The following MMP26 variants were observed in gnomAD, a reference collection of about 807,000 sequenced individuals.
MMP26 encodes matrix metallopeptidase 26.
Under a neutral mutation model 31.0 loss-of-function variants are expected in MMP26, and 33 were observed. The ratio of observed to expected loss-of-function variants is 1.06; its 90% CI spans 0.81 to 1.42. MMP26 has a LOEUF of 1.42. Among genes scored for constraint, MMP26 ranks in the 40% most tolerant of loss-of-function variants. MMP26 has a pLI of 0.00. For missense variants in MMP26, 347 were observed against 316.1 expected, an observed-to-expected ratio of 1.10 and a Z score of -0.74; for synonymous variants, 122 against 114.9, an observed-to-expected ratio of 1.06 and a Z score of -0.40.
chr11:4,862,554 C>T (rs1850177047), intron 2 of MMP26, among the ~76,000 whole-genome samples: 1 of 152,072 alleles, frequency 6.6e-6, no homozygotes, highest in African/African-American at 2.4e-5. Flanking sequence ...AATTGGGAGT[C>T]TGTGAGAGGT....
intron 2 of MMP26, among the ~76,000 whole-genome samples, chr11:4,841,872 G>A (rs1849801192): frequency 6.6e-6 from 1 of 152,226 alleles, no homozygotes; most frequent in Non-Finnish European, 1.5e-5. Flanking sequence ...GGCAGAGGTT[G>A]TGGTGAGCCA....
At chr11:4,927,368 G>T (rs1476285906) in intron 2 of MMP26, among the ~76,000 whole-genome samples, 2 of 152,142 alleles carry the variant, frequency 1.3e-5, no homozygotes, top group Non-Finnish European at 2.9e-5. Flanking sequence ...TGCTTTGAAT[G>T]AAGAGAAAAG....
rs192198789 is a variant in MMP26, at chr11:4,805,721, G to C, written c.-145+38380G>C. 2.0e-5 allele frequency among the ~76,000 whole-genome samples: 3 copies of C among 152,270 alleles called. No homozygotes were observed. In the East Asian group the frequency reaches 5.8e-4, roughly 29 times the overall value. ...TGATTAACAATATTCTAAATACCCA[G>C]ACAGAGCCCTATTGACTACCTTGAG... On this transcript the variant is annotated intron_variant, in intron 2 of 7. Transcript: ENST00000380390.
chr11:4,827,035 T>G (rs1044493272), intron 2 of MMP26, among the ~76,000 whole-genome samples: 3 of 151,960 alleles, frequency 2.0e-5, no homozygotes, highest in Non-Finnish European at 4.4e-5. Context: ...TCATTCAGTG[T>G]CAGTCTTGGG....
rs747962729 is a variant in MMP26, at chr11:4,914,843, G to T, written c.-144-73225G>T. ...ACCCATGACCACCTGGACCAGGTGG[G>T]GTGCCTGCTTTCCAAAGCGATGGAT... is the stretch of plus-strand genomic sequence containing the variant. On this transcript the variant is annotated intron_variant, in intron 2 of 7. Transcript: ENST00000380390. 4 of 1,613,928 alleles carry T rather than the reference G, an allele frequency of 2.5e-6. No individual in the cohort carries two copies. The Admixed American group carries it at 5.0e-5, about 20-fold the overall frequency.
intron 1 of MMP26, among the ~76,000 whole-genome samples, chr11:4,732,764 G>A (rs571838654): frequency 6.6e-6 from 1 of 152,248 alleles, no homozygotes; most frequent in South Asian, 2.1e-4. Context: ...CTGTTTTCAA[G>A]GTTTATACAT....
At chr11:4,758,466 GAA>G (rs376347621) in intron 1 of MMP26, among the ~76,000 whole-genome samples, 27,266 of 92,846 alleles carry the variant, frequency 0.29, 2,346 homozygotes, top group Middle Eastern at 0.43. Flanking sequence ...CATCCATTTG[GAA>G]AAAAAAAAAA....
At chr11:4,905,294 C>T (rs1211634539) in intron 2 of MMP26, among the ~76,000 whole-genome samples, 2 of 152,108 alleles carry the variant, frequency 1.3e-5, no homozygotes, top group Non-Finnish European at 2.9e-5. Context: ...GAGTCATGCT[C>T]AAACTGTTCA....
rs139270638 is a variant in MMP26, at chr11:4,856,341, G to C, written c.-145+89000G>C. Among the ~76,000 whole-genome samples, 115 of 152,254 alleles carry C rather than the reference G, an allele frequency of 7.6e-4. 1 individual carries two copies. The highest frequency in any genetic ancestry group is 1.4e-3 in the Non-Finnish European group (96 of 68,030). On this transcript the variant is annotated intron_variant, in intron 2 of 7. Transcript: ENST00000380390. Reference sequence around the variant, plus strand: ...TCAGGAGACCCATCTCACTTGCAGAGACACACATAGGCTGAAAATAAAGGG... The same window carrying C: ...TCAGGAGACCCATCTCACTTGCAGACACACACATAGGCTGAAAATAAAGGG...
Position 4,991,989 on chromosome 11 carries a change from T to C in MMP26, c.621T>C (p.Thr207=). The stretch of plus-strand genomic sequence containing the variant: ...GATATAATCTGTTCCTGGTTGCAAC[T>C]CATGAGATTGGGCATTCTTTGGGCC... The part of the protein sequence containing the change: ...DTGYNLFLVA[T]HEIGHSLGLQ... Residue 207 remains threonine (T), a synonymous_variant, in exon 7 of 8, where the codon ACT becomes ACC. Transcript: ENST00000380390. 2 of 1,608,208 alleles carry C rather than the reference T, an allele frequency of 1.2e-6. No homozygotes were observed. The highest frequency in any genetic ancestry group is 8.5e-7 in the Non-Finnish European group (1 of 1,178,500).
Position 4,890,361 on chromosome 11 carries a change from T to G in MMP26, c.-144-97707T>G, listed in dbSNP as rs111630143. ...AAAGATCCTCAGCATAGTGGGTAGGTAGGAGAGGGACAGGCCCAGATCAGA... is the reference window on the plus strand; with the variant it reads ...AAAGATCCTCAGCATAGTGGGTAGGGAGGAGAGGGACAGGCCCAGATCAGA... On this transcript the variant is annotated intron_variant, in intron 2 of 7. Transcript: ENST00000380390. The G allele has an allele frequency of 8.8e-3, 1,503 of 170,460 alleles. 19 individuals are homozygous for G. Among genetic ancestry groups the G allele is most frequent in the African/African-American group, 0.034 (1,430 of 42,090 alleles). The allele number at this position is 170,460 out of a possible 1,614,324, so 10.6% of individuals were successfully genotyped here. A position where few individuals can be genotyped will look rare whatever the true frequency, so the allele number is the denominator to read the frequency against.
At chr11:4,859,726 G>GCCATGA (rs1850115037) in intron 2 of MMP26, 1 of 471,130 alleles carries the variant, frequency 2.1e-6, no homozygotes, top group Non-Finnish European at 4.4e-6. Flanking sequence ...GTATATATCA[G>GCCATGA]CCATGACCAT....
intron 2 of MMP26, among the ~76,000 whole-genome samples, chr11:4,784,016 G>C (rs1225884375): frequency 6.6e-6 from 1 of 152,182 alleles, no homozygotes; most frequent in Non-Finnish European, 1.5e-5. Flanking sequence ...CCCAAATTTA[G>C]TGGTTTAAAA....
At position 4,854,732 on chromosome 11, in the gene MMP26, A is replaced by C. The variant is rs370798813; in HGVS notation, c.-145+87391A>C. 2.0e-4 allele frequency among the ~76,000 whole-genome samples: 30 copies of C among 152,274 alleles called. No individual in the cohort carries two copies. In the East Asian group the frequency reaches 4.8e-3, roughly 24 times the overall value. Reference sequence around the variant, plus strand: ...GAGAGTAGTGGTTATCCCAGCAAGGAGTTTGAGATCTGAGAATGGACAGAC... The same window carrying C: ...GAGAGTAGTGGTTATCCCAGCAAGGCGTTTGAGATCTGAGAATGGACAGAC... On this transcript the variant is annotated intron_variant, in intron 2 of 7. Transcript: ENST00000380390.
At chr11:4,969,908 C>T (rs11034951) in intron 2 of MMP26, among the ~76,000 whole-genome samples, 78,319 of 151,896 alleles carry the variant, frequency 0.52, 20,748 homozygotes, top group South Asian at 0.64. Context: ...TTAGTTTTTT[C>T]CTAGGAATTT....
intron 1 of MMP26, chr11:4,723,214 G>A (rs1022908379): frequency 3.5e-6 from 5 of 1,444,360 alleles, no homozygotes. Context: ...TCTGGCCTTT[G>A]AGGCCCTCAA....
At chr11:4,871,414 A>C (rs984083036) in intron 2 of MMP26, among the ~76,000 whole-genome samples, 3 of 152,102 alleles carry the variant, frequency 2.0e-5, no homozygotes, top group African/African-American at 7.2e-5. Flanking sequence ...AAAATTAAGC[A>C]CTAGGGTTTA....
intron 2 of MMP26, among the ~76,000 whole-genome samples, chr11:4,966,674 T>G (rs1343786847): frequency 6.6e-6 from 1 of 152,172 alleles, no homozygotes; most frequent in East Asian, 1.9e-4. Flanking sequence ...CAACGTTAGT[T>G]CATTTTCTTA....
chr11:4,870,447 T>G (rs1028706068), intron 2 of MMP26, among the ~76,000 whole-genome samples: 3 of 152,076 alleles, frequency 2.0e-5, no homozygotes, highest in Admixed American at 2.0e-4. Context: ...AGTTGAAATA[T>G]TTTACTGTGA....
Sources: gnomAD v4.1 joint callset for allele counts (sites outside exome capture counted in the v4.1 genomes callset) on GRCh38, gnomAD v4.1.1 for gene constraint, MANE v1.5 for transcripts, NCBI Gene and HGNC (gene_info 2026-07-23, HGNC 2026-07-21) for gene names.